The following OSMR variants were observed in gnomAD, a reference collection of about 807,000 sequenced individuals.
OSMR encodes oncostatin M receptor.
Under a neutral mutation model 99.9 loss-of-function variants are expected in OSMR, and 81 were observed. The observed-to-expected ratio is 0.81, with a 90% CI of 0.68 to 0.97. OSMR has a LOEUF of 0.97. Ranked by LOEUF, OSMR falls within the 50% of genes least tolerant of loss-of-function variation. OSMR has a pLI of 0.00. For missense variants in OSMR, 1,099 were observed against 1,153.4 expected (o/e 0.95, Z 0.68); for synonymous variants, 406 against 410.4 (o/e 0.99, Z 0.13).
At chr5:38,907,712 C>T (rs73751809) in intron 9 of OSMR, among the ~76,000 whole-genome samples, 9,832 of 152,188 alleles carry the variant, frequency 0.065, 430 homozygotes, top group African/African-American at 0.11. Flanking sequence ...TGGAGATTTC[C>T]AGCAGAACAG....
intron 1 of OSMR, among the ~76,000 whole-genome samples, chr5:38,852,671 T>A (rs1206654511): frequency 6.6e-6 from 1 of 151,222 alleles, no homozygotes; most frequent in African/African-American, 2.4e-5. Context: ...GAACTCTTTG[T>A]ATATGAGGGA....
intron 13 of OSMR, 189 bp from the exon 14 acceptor site, chr5:38,924,233 C>G: frequency 1.2e-6 from 1 of 825,772 alleles, no homozygotes; most frequent in Non-Finnish European, 1.5e-6. Flanking sequence ...CAAGATTGCT[C>G]AACTCCTTCA....
At chr5:38,852,897 A>T (rs1348114513) in intron 1 of OSMR, among the ~76,000 whole-genome samples, 2 of 150,452 alleles carry the variant, frequency 1.3e-5, no homozygotes, top group African/African-American at 4.9e-5. Flanking sequence ...CGCCCGGCTA[A>T]TTTTTTGTAT....
rs73749583 is a variant in OSMR at position 38,866,178 on chromosome 5, G to T, written c.-13-2854G>T. On this transcript the variant is annotated intron_variant, in intron 1 of 17. Coordinates refer to ENST00000274276, the MANE Select transcript of OSMR (RefSeq NM_003999.3). ...CCCCGCTTCATGTGTGCAGGCACTA[G>T]TGAGGGTGGTGCTATGTGTGGCAAG... 3.4e-3 allele frequency among the ~76,000 whole-genome samples: 520 copies of T among 152,304 alleles called. 3 individuals are homozygous for T. Among genetic ancestry groups the T allele is most frequent in the East Asian group, 0.012 (63 of 5,188 alleles).
intron 11 of OSMR, chr5:38,919,520 C>G (rs918914212): frequency 2.7e-6 from 1 of 371,852 alleles, no homozygotes; most frequent in African/African-American, 2.1e-5. Flanking sequence ...ACCACAGACT[C>G]TGCCAACTTT....
chr5:38,916,382 T>G (rs1242325328), intron 9 of OSMR, among the ~76,000 whole-genome samples: 1 of 152,216 alleles, frequency 6.6e-6, no homozygotes, highest in African/African-American at 2.4e-5. Context: ...GTTCAAATCT[T>G]GGCTTCACTT....
intron 7 of OSMR, among the ~76,000 whole-genome samples, chr5:38,891,315 G>T (rs1336234157): frequency 6.6e-6 from 1 of 152,228 alleles, no homozygotes; most frequent in Non-Finnish European, 1.5e-5. Context: ...AAGGATGCAA[G>T]GTCCTTTCTT....
intron 2 of OSMR, chr5:38,944,669 A>T: frequency 9.3e-7 from 1 of 1,076,442 alleles, no homozygotes; most frequent in Non-Finnish European, 1.3e-6. Context: ...AGACCTAGAG[A>T]TCAATTACAC....
At chr5:38,900,118 C>T (rs1417159440) in intron 7 of OSMR, among the ~76,000 whole-genome samples, 1 of 152,146 alleles carries the variant, frequency 6.6e-6, no homozygotes, top group African/African-American at 2.4e-5. Flanking sequence ...TCCTCTCTGG[C>T]TGGGGCTCAT....
rs748856916 is a variant in OSMR, at chr5:38,918,895, A to G, written c.1418A>G (p.Glu473Gly). The G allele has an allele frequency of 6.2e-7, 1 of 1,614,154 alleles. No individual in the cohort carries two copies. Reference protein sequence around the residue: ...GKILFYNVVVENLDKPSSSEL... With the variant: ...GKILFYNVVVGNLDKPSSSEL... ...ATCCTGTTCTATAATGTAGTTGTAGAAAACCTAGACAAACCATCCAGTTCA... is the reference window on the plus strand; with the variant it reads ...ATCCTGTTCTATAATGTAGTTGTAGGAAACCTAGACAAACCATCCAGTTCA... Residue 473 changes from glutamate to glycine, a missense_variant, in exon 11 of 18, where the codon GAA becomes GGA. Transcript: ENST00000274276.
At chr5:38,919,092 T>C in intron 11 of OSMR, 30 bp downstream of exon 11, 1 of 1,611,500 alleles carries the variant, frequency 6.2e-7, no homozygotes, top group Non-Finnish European at 8.5e-7. Flanking sequence ...CTTTTGTTTT[T>C]ATTCTCTAGG....
chr5:38,915,751 T>C (rs357257), intron 9 of OSMR, among the ~76,000 whole-genome samples: 33,267 of 152,142 alleles, frequency 0.22, 3,758 homozygotes, highest in Admixed American at 0.27. Context: ...ATAGAAGTCA[T>C]ATGAGACATG....
At chr5:38,891,478 C>G (rs1744154119) in intron 7 of OSMR, among the ~76,000 whole-genome samples, 1 of 152,156 alleles carries the variant, frequency 6.6e-6, no homozygotes, top group Non-Finnish European at 1.5e-5. Context: ...GGCAGCAGGC[C>G]CCATGGAGAA....
In OSMR at chr5:38,918,529, C is replaced by A. The variant is rs115744327; in HGVS notation, c.1363-311C>A. On this transcript the variant is annotated intron_variant, in intron 10 of 17. Transcript: ENST00000274276. ...TCATTGCTTTTCTGCCCTTGACTAC[C>A]CCTCACATTCTTTTTTCCACCAGGT... Among the ~76,000 whole-genome samples, 627 of 152,140 alleles carry A rather than the reference C, an allele frequency of 4.1e-3. 4 individuals are homozygous for A. The highest frequency in any genetic ancestry group is 0.014 in the African/African-American group (584 of 41,470).
At chr5:38,920,463 G>A (rs1229110063) in intron 11 of OSMR, among the ~76,000 whole-genome samples, 1 of 152,200 alleles carries the variant, frequency 6.6e-6, no homozygotes, top group Admixed American at 6.5e-5. Flanking sequence ...GTATCAATAA[G>A]TCAAGTGAAA....
intron 1 of OSMR, among the ~76,000 whole-genome samples, chr5:38,853,774 A>G (rs573722660): frequency 6.6e-6 from 1 of 152,222 alleles, no homozygotes; most frequent in Non-Finnish European, 1.5e-5. Flanking sequence ...TCAGTTATTC[A>G]TCAGCTAATT....
chr5:38,921,773 A>C lies in OSMR; in HGVS notation c.1744A>C (p.Thr582Pro). Residue 582 changes from threonine (T) to proline (P), a missense_variant, in exon 12 of 18, where the codon ACA becomes CCA. Coordinates refer to ENST00000274276, the MANE Select transcript of OSMR (RefSeq NM_003999.3). ...GTGGAAGAATGTAGGTCCCAATACC[A>C]CAAGCACAGTCATTAGCACAGGTAA... is the stretch of plus-strand genomic sequence containing the variant. ...FQWKNVGPNTTSTVISTDAFR... is the reference protein window; with the variant it reads ...FQWKNVGPNTPSTVISTDAFR... The C allele has an allele frequency of 6.2e-6, 10 of 1,614,036 alleles. No homozygotes were observed. Among genetic ancestry groups the C allele is most frequent in the Non-Finnish European group, 8.5e-6 (10 of 1,179,904 alleles).
chr5:38,892,292 C>A (rs1005067415), intron 7 of OSMR, among the ~76,000 whole-genome samples: 7 of 152,118 alleles, frequency 4.6e-5, no homozygotes, highest in African/African-American at 1.7e-4. Context: ...CCCCACTGGC[C>A]TGGGATATTC....
At chr5:38,866,141 C>A (rs1019337293) in intron 1 of OSMR, among the ~76,000 whole-genome samples, 4 of 152,164 alleles carry the variant, frequency 2.6e-5, no homozygotes, top group African/African-American at 9.7e-5. Flanking sequence ...CAAGACAGAT[C>A]AATTCCCAGG....
Sources: gnomAD v4.1 joint callset for allele counts (sites outside exome capture counted in the v4.1 genomes callset) on GRCh38, gnomAD v4.1.1 for gene constraint, MANE v1.5 for transcripts, NCBI Gene and HGNC (gene_info 2026-07-23, HGNC 2026-07-21) for gene names.